Variants in LARGE1 observed in about 807,000 individuals in gnomAD.
LARGE1 encodes the protein xylosyl- and glucuronyltransferase LARGE1.
A neutral mutation model predicts 87.6 loss-of-function variants in LARGE1; 43 were observed. That is an observed-to-expected ratio of 0.49 (90% CI 0.38 to 0.63). The LOEUF (loss-of-function observed/expected upper bound fraction) is 0.63. Among genes scored for constraint, LARGE1 ranks in the 30% least tolerant of loss-of-function variants. LARGE1 has a pLI of 0.00. For synonymous variants in LARGE1, 434 were observed against 394.6 expected (o/e 1.10, Z -1.18); for missense variants, 802 against 1,000.2 (o/e 0.80, Z 2.67).
chr22:33,873,810 C>A (rs568831906), intron 1 of LARGE1, among the ~76,000 whole-genome samples: 12 of 151,946 alleles, frequency 7.9e-5, no homozygotes, highest in Admixed American at 1.3e-4. Flanking sequence ...CCACTTGGGT[C>A]CTGCCCTGCC....
At chr22:33,520,674 C>T (rs189497024) in intron 6 of LARGE1, among the ~76,000 whole-genome samples, 9 of 152,322 alleles carry the variant, frequency 5.9e-5, no homozygotes, top group African/African-American at 1.9e-4. Flanking sequence ...AAGTGTTCTG[C>T]GTCTTTCTGT....
the LARGE1 span, among the ~76,000 whole-genome samples, chr22:33,101,575 T>G: frequency 1.3e-5 from 2 of 152,224 alleles, no homozygotes; most frequent in African/African-American, 4.8e-5. Context: ...GATTCCCAGA[T>G]GTCTGGCATT....
chr22:33,487,793 C>T (rs975976935), intron 6 of LARGE1, among the ~76,000 whole-genome samples: 7 of 152,166 alleles, frequency 4.6e-5, no homozygotes, highest in African/African-American at 1.7e-4. Context: ...TCACTGACGG[C>T]AAGACCTCTT....
intron 6 of LARGE1, among the ~76,000 whole-genome samples, chr22:33,466,249 A>T (rs1005652432): frequency 2.0e-5 from 3 of 151,982 alleles, no homozygotes; most frequent in Non-Finnish European, 4.4e-5. Flanking sequence ...CTCCTTGGAG[A>T]AGCCTTACTT....
At chr22:33,434,159 T>A (rs2067181411) in intron 6 of LARGE1, among the ~76,000 whole-genome samples, 1 of 152,208 alleles carries the variant, frequency 6.6e-6, no homozygotes, top group South Asian at 2.1e-4. Flanking sequence ...GGGAAAGCTG[T>A]GTGTCCTGTC....
intron 2 of LARGE1, among the ~76,000 whole-genome samples, chr22:33,752,961 C>T (rs947989884): frequency 2.2e-4 from 33 of 152,312 alleles, no homozygotes; most frequent in African/African-American, 7.2e-4. Context: ...GCAGCTCACG[C>T]CTGTAATCCC....
chr22:33,164,851 A>T (rs1922182072), exon 12 of LARGE1: 2 of 152,104 alleles, frequency 1.3e-5, no homozygotes, highest in African/African-American at 2.4e-5. Flanking sequence ...ATTACCACGA[A>T]CTCTCATCCC....
chr22:33,492,897 A>C (rs956497669), intron 6 of LARGE1, among the ~76,000 whole-genome samples: 7 of 152,156 alleles, frequency 4.6e-5, no homozygotes, highest in African/African-American at 1.4e-4. Flanking sequence ...GAGGAGGGAA[A>C]TGCGGGCGGC....
At chr22:33,870,662 G>A (rs1023410000) in intron 1 of LARGE1, among the ~76,000 whole-genome samples, 6 of 152,142 alleles carry the variant, frequency 3.9e-5, no homozygotes, top group Middle Eastern at 3.4e-3. Context: ...TCTGCCTCCC[G>A]GGTTCCAGCG....
intron 7 of LARGE1, among the ~76,000 whole-genome samples, chr22:33,394,136 CTATT>C (rs2065635874): frequency 6.8e-6 from 1 of 148,028 alleles, no homozygotes; most frequent in Non-Finnish European, 1.5e-5. Context: ...ATAATACCTA[CTATT>C]TATCAAGCAA....
intron 6 of LARGE1, among the ~76,000 whole-genome samples, chr22:33,484,029 C>T (rs897556878): frequency 3.9e-5 from 6 of 152,146 alleles, no homozygotes; most frequent in African/African-American, 1.2e-4. Flanking sequence ...AGCCGCGACA[C>T]GGGCCTCATT....
chr22:33,456,283 A>G (rs1004900161), intron 6 of LARGE1, among the ~76,000 whole-genome samples: 2 of 152,214 alleles, frequency 1.3e-5, no homozygotes, highest in African/African-American at 4.8e-5. Context: ...CTGAAGACTT[A>G]GACACAATCA....
At chr22:33,763,254 T>C (rs2084793312) in intron 1 of LARGE1, among the ~76,000 whole-genome samples, 2 of 152,210 alleles carry the variant, frequency 1.3e-5, no homozygotes, top group Non-Finnish European at 2.9e-5. Context: ...TTATGTTCAG[T>C]GAGTTGCCAA....
intron 1 of LARGE1, among the ~76,000 whole-genome samples, chr22:33,896,297 T>C (rs1024623112): frequency 6.6e-6 from 1 of 152,220 alleles, no homozygotes; most frequent in African/African-American, 2.4e-5. Context: ...ATAAATTCCA[T>C]GTATGTCTAC....
At chr22:33,177,771 G>A (rs557545667) in intron 11 of LARGE1, among the ~76,000 whole-genome samples, 9 of 152,270 alleles carry the variant, frequency 5.9e-5, no homozygotes, top group Admixed American at 3.9e-4. Flanking sequence ...ACTTGATATG[G>A]TTTGACTCTG....
intron 2 of LARGE1, among the ~76,000 whole-genome samples, chr22:33,734,107 T>A (rs939109164): frequency 6.6e-6 from 1 of 152,260 alleles, no homozygotes; most frequent in Non-Finnish European, 1.5e-5. Context: ...GTGTCTCACA[T>A]CATCTGATCC....
intron 13 of LARGE1, 116 bp from the exon 14 acceptor site, chr22:33,277,371 T>G (rs1929537099): frequency 1.0e-6 from 1 of 967,858 alleles, no homozygotes; most frequent in Non-Finnish European, 1.6e-6. Flanking sequence ...TGAGTTGAAC[T>G]GTCTCCCTCC....
chr22:33,909,522 GTTTTTTT>G (rs113177754), intron 1 of LARGE1, among the ~76,000 whole-genome samples: 3 of 143,218 alleles, frequency 2.1e-5, no homozygotes, highest in African/African-American at 5.1e-5. Flanking sequence ...TTCTTCTTTT[GTTTTTTT>G]TTTTTTGTTT....
chr22:33,358,301 G>T (rs1054665963), intron 9 of LARGE1, among the ~76,000 whole-genome samples: 9 of 150,932 alleles, frequency 6.0e-5, no homozygotes, highest in African/African-American at 2.2e-4. Flanking sequence ...AAAACCAACT[G>T]TTTTTTTTTC....
Sources: allele counts gnomAD v4.1 joint callset (sites outside exome capture counted in the v4.1 genomes callset), GRCh38; gene constraint gnomAD v4.1.1; transcripts MANE v1.5; gene names NCBI Gene and HGNC (gene_info 2026-07-23, HGNC 2026-07-21).